Variants in PRR16 observed in about 807,000 individuals in gnomAD.
PRR16 encodes proline rich 16.
A neutral mutation model predicts 18.2 loss-of-function variants in PRR16; 6 were observed. That is an observed-to-expected ratio of 0.33 (90% confidence interval 0.18 to 0.65). PRR16 has a LOEUF of 0.65. Among genes scored for constraint, PRR16 ranks in the 30% least tolerant of loss-of-function variants. PRR16 has a pLI of 0.74. For missense variants in PRR16, 412 were observed against 376.6 expected, an observed-to-expected ratio of 1.09 and a Z score of -0.78; for synonymous variants, 151 against 147.8, an observed-to-expected ratio of 1.02 and a Z score of -0.16.
chr5:120,537,759 A>G (rs1240623182), intron 1 of PRR16, among the ~76,000 whole-genome samples: 2 of 147,968 alleles, frequency 1.4e-5, no homozygotes, highest in Non-Finnish European at 3.0e-5. Flanking sequence ...TATAACTTGG[A>G]ATTTTTAATG....
chr5:120,753,218 C>G, the PRR16 span, among the ~76,000 whole-genome samples: 3 of 151,770 alleles, frequency 2.0e-5, no homozygotes, highest in African/African-American at 7.3e-5. Context: ...CTAAAGAAGC[C>G]CAGGAGCGGA....
chr5:120,650,087 G>A (rs548732937), intron 1 of PRR16, among the ~76,000 whole-genome samples: 14 of 151,558 alleles, frequency 9.2e-5, no homozygotes, highest in African/African-American at 1.2e-4. Context: ...GTGTGGCAGC[G>A]CGCGTCTGTA....
chr5:120,488,896 A>T (rs747609252), intron 1 of PRR16, among the ~76,000 whole-genome samples: 2 of 151,890 alleles, frequency 1.3e-5, no homozygotes, highest in Non-Finnish European at 2.9e-5. Flanking sequence ...TTCTGCCTTC[A>T]TTTCATTATG....
At chr5:120,482,804 G>A (rs555136940) in intron 1 of PRR16, among the ~76,000 whole-genome samples, 1 of 152,236 alleles carries the variant, frequency 6.6e-6, no homozygotes, top group South Asian at 2.1e-4. Flanking sequence ...CCATAGTGCT[G>A]ATCATGTAGC....
intron 1 of PRR16, among the ~76,000 whole-genome samples, chr5:120,639,652 T>G (rs1204837299): frequency 6.6e-6 from 1 of 151,874 alleles, no homozygotes; most frequent in Non-Finnish European, 1.5e-5. Flanking sequence ...AGGTGTTTGC[T>G]AGGTTGCAGA....
chr5:120,670,154 C>T (rs1339646460), intron 1 of PRR16, among the ~76,000 whole-genome samples: 4 of 151,962 alleles, frequency 2.6e-5, no homozygotes, highest in African/African-American at 9.7e-5. Context: ...ATGTTCATTG[C>T]CTTAACATTT....
chr5:120,505,866 A>G (rs1264546292), intron 1 of PRR16, among the ~76,000 whole-genome samples: 1 of 151,652 alleles, frequency 6.6e-6, no homozygotes, highest in Non-Finnish European at 1.5e-5. Flanking sequence ...ATATACACAC[A>G]CGCGTATACA....
the PRR16 span, among the ~76,000 whole-genome samples, chr5:120,752,089 G>A: frequency 1.3e-5 from 2 of 151,926 alleles, no homozygotes; most frequent in Admixed American, 6.6e-5. Flanking sequence ...ACATTGTCCT[G>A]GTTATTACAG....
the PRR16 span, among the ~76,000 whole-genome samples, chr5:120,791,998 AGAT>A: frequency 6.6e-4 from 100 of 152,242 alleles, no homozygotes; most frequent in African/African-American, 2.2e-3. Context: ...AGTTCCTGTG[AGAT>A]GATAGGCATT....
chr5:120,597,460 A>G (rs1426163029), intron 1 of PRR16, among the ~76,000 whole-genome samples: 1 of 151,686 alleles, frequency 6.6e-6, no homozygotes, highest in Non-Finnish European at 1.5e-5. Flanking sequence ...AAATTCTGAC[A>G]TTCACATTTA....
intron 1 of PRR16, among the ~76,000 whole-genome samples, chr5:120,650,800 G>A (rs979181525): frequency 2.0e-5 from 3 of 152,110 alleles, no homozygotes; most frequent in African/African-American, 7.2e-5. Flanking sequence ...GTGTGCATGT[G>A]TCTTTATAGC....
intron 1 of PRR16, among the ~76,000 whole-genome samples, chr5:120,682,914 C>T (rs1309660744): frequency 3.3e-5 from 5 of 152,094 alleles, no homozygotes; most frequent in Non-Finnish European, 7.4e-5. Context: ...TGCTGAGCCC[C>T]TAATTAGTAC....
At chr5:120,667,368 G>A (rs1169317336) in intron 1 of PRR16, among the ~76,000 whole-genome samples, 1 of 151,982 alleles carries the variant, frequency 6.6e-6, no homozygotes, top group Non-Finnish European at 1.5e-5. Context: ...AGTCTTGCTA[G>A]TGGTCTATCA....
At chr5:120,669,794 C>A (rs540186042) in intron 1 of PRR16, among the ~76,000 whole-genome samples, 4 of 151,766 alleles carry the variant, frequency 2.6e-5, no homozygotes, top group Admixed American at 6.6e-5. Flanking sequence ...ACATTCACAA[C>A]GTAAAATATG....
chr5:120,780,403 C>T, the PRR16 span, among the ~76,000 whole-genome samples: 1 of 151,562 alleles, frequency 6.6e-6, no homozygotes, highest in Non-Finnish European at 1.5e-5. Flanking sequence ...GTGATCTTAA[C>T]TAATTTAATT....
chr5:120,742,930 T>G, the PRR16 span, among the ~76,000 whole-genome samples: 1 of 152,222 alleles, frequency 6.6e-6, no homozygotes, highest in Admixed American at 6.5e-5. Context: ...CACTCCAACC[T>G]GTGCTTCCAT....
At chr5:120,623,961 A>C (rs1754778889) in intron 1 of PRR16, among the ~76,000 whole-genome samples, 1 of 151,998 alleles carries the variant, frequency 6.6e-6, no homozygotes, top group Admixed American at 6.6e-5. Context: ...ATACATAACA[A>C]CTGTAGGTTT....
At chr5:120,670,108 G>A (rs1471638381) in intron 1 of PRR16, among the ~76,000 whole-genome samples, 1 of 152,054 alleles carries the variant, frequency 6.6e-6, no homozygotes, top group Non-Finnish European at 1.5e-5. Flanking sequence ...GATAAATAAT[G>A]CAGATTCACA....
chr5:120,479,417 C>T (rs1169235839), intron 1 of PRR16, among the ~76,000 whole-genome samples: 1 of 152,062 alleles, frequency 6.6e-6, no homozygotes, highest in African/African-American at 2.4e-5. Flanking sequence ...TGAACATAAA[C>T]CTTCCAGCAT....
Sources: gnomAD v4.1 joint callset for allele counts (sites outside exome capture counted in the v4.1 genomes callset) on GRCh38, gnomAD v4.1.1 for gene constraint, MANE v1.5 for transcripts, NCBI Gene and HGNC (gene_info 2026-07-23, HGNC 2026-07-21) for gene names.